Variants in HTR1E observed in about 807,000 individuals in gnomAD.
The protein encoded by HTR1E is 5-HT-1E.
Under a neutral mutation model 3.4 loss-of-function variants are expected in HTR1E, and 3 were observed. That is an observed-to-expected ratio of 0.89 (90% CI 0.41 to 2.31). The LOEUF is 2.31. Among genes scored for constraint, HTR1E ranks in the 30% most tolerant of loss-of-function variants. HTR1E has a pLI of 0.05. For missense variants in HTR1E, 392 were observed against 467.0 expected, an observed-to-expected ratio of 0.84 and a Z score of 1.48; for synonymous variants, 170 against 182.8, an observed-to-expected ratio of 0.93 and a Z score of 0.56.
At chr6:86,969,636 C>T (rs889131434) in intron 1 of HTR1E, among the ~76,000 whole-genome samples, 3 of 152,194 alleles carry the variant, frequency 2.0e-5, no homozygotes, top group Non-Finnish European at 4.4e-5. Context: ...TTTCTTCACT[C>T]CCAGCTTTTA....
intron 1 of HTR1E, among the ~76,000 whole-genome samples, chr6:86,947,134 A>C (rs145945078): frequency 6.6e-6 from 1 of 152,096 alleles, no homozygotes. Flanking sequence ...AAATGCACAG[A>C]GAAGGTTTCC....
At chr6:86,938,308 A>G (rs1468232145) in intron 1 of HTR1E, among the ~76,000 whole-genome samples, 1 of 152,204 alleles carries the variant, frequency 6.6e-6, no homozygotes, top group African/African-American at 2.4e-5. Flanking sequence ...TCAGAAAATA[A>G]TACTGTGCTC....
intron 1 of HTR1E, among the ~76,000 whole-genome samples, chr6:86,998,921 G>A (rs1045336125): frequency 1.3e-5 from 2 of 152,090 alleles, no homozygotes; most frequent in Non-Finnish European, 2.9e-5. Context: ...GATATGAAAG[G>A]AATATTGTTT....
chr6:87,016,479 G>T lies in HTR1E; in HGVS notation c.*47G>T. 6.6e-7 allele frequency: 1 copy of T among 1,510,650 alleles called. No individual in the cohort carries two copies. The highest frequency in any genetic ancestry group is 9.0e-7 in the Non-Finnish European group (1 of 1,117,318). The allele number at this position is 1,510,650 out of a possible 1,614,324, so 93.6% of individuals were successfully genotyped here. A position where few individuals can be genotyped will look rare whatever the true frequency, so the allele number is the denominator to read the frequency against. On this transcript the variant is annotated 3_prime_UTR_variant, in exon 2 of 2. Coordinates refer to ENST00000305344, the MANE Select transcript of HTR1E (RefSeq NM_000865.3). ...CGACTTTTTCCAGAGCCTCATGAGTGGATGGGGGTAAGGGGTGCAACTTAT... is the reference window on the plus strand; with the variant it reads ...CGACTTTTTCCAGAGCCTCATGAGTTGATGGGGGTAAGGGGTGCAACTTAT...
At chr6:87,007,631 A>T (rs2127832052) in intron 1 of HTR1E, among the ~76,000 whole-genome samples, 1 of 152,298 alleles carries the variant, frequency 6.6e-6, no homozygotes. Flanking sequence ...AAAATTTAAA[A>T]TTTTTAAAAA....
rs191837379 is a variant in HTR1E, at chr6:86,993,857, T to C, written c.-185-21293T>C. ...AGACGAAAAGGATTTTTGAAGCCCA[T>C]AGCAAAAACATCTCAGTGAAGAATT... On this transcript the variant is annotated intron_variant, in intron 1 of 1. Coordinates refer to ENST00000305344, the MANE Select transcript of HTR1E (RefSeq NM_000865.3). 1.4e-3 allele frequency among the ~76,000 whole-genome samples: 206 copies of C among 151,752 alleles called. 1 individual carries two copies. Among genetic ancestry groups the C allele is most frequent in the African/African-American group, 4.9e-3 (201 of 41,430 alleles).
intron 1 of HTR1E, among the ~76,000 whole-genome samples, chr6:86,938,457 A>G (rs1046940919): frequency 2.6e-5 from 4 of 152,194 alleles, no homozygotes; most frequent in African/African-American, 4.8e-5. Flanking sequence ...CTGCAAGGTG[A>G]GAGGCTGACC....
chr6:86,965,951 A>G (rs1452807582), intron 1 of HTR1E, among the ~76,000 whole-genome samples: 1 of 152,152 alleles, frequency 6.6e-6, no homozygotes, highest in Admixed American at 6.5e-5. Context: ...AATCACTACT[A>G]AAGAACTTAT....
At chr6:87,013,181 G>A (rs1049266244) in intron 1 of HTR1E, among the ~76,000 whole-genome samples, 1 of 152,140 alleles carries the variant, frequency 6.6e-6, no homozygotes, top group Non-Finnish European at 1.5e-5. Flanking sequence ...AGCCCCAGAA[G>A]AATAATATGC....
intron 1 of HTR1E, among the ~76,000 whole-genome samples, chr6:86,982,781 A>C (rs950049966): frequency 1.8e-4 from 28 of 152,252 alleles, no homozygotes; most frequent in African/African-American, 6.5e-4. Context: ...GGTAATTTGA[A>C]TGAAAGCCAG....
chr6:86,943,279 A>T (rs1279174881), intron 1 of HTR1E, among the ~76,000 whole-genome samples: 1 of 152,152 alleles, frequency 6.6e-6, no homozygotes. Context: ...TTTGCATCTC[A>T]TGGAATGCTC....
intron 1 of HTR1E, among the ~76,000 whole-genome samples, chr6:86,978,916 T>C (rs930062130): frequency 6.6e-6 from 1 of 152,202 alleles, no homozygotes; most frequent in Non-Finnish European, 1.5e-5. Flanking sequence ...GGTAACCTCA[T>C]TGATTTGAAG....
chr6:87,003,060 G>A (rs1389099922), intron 1 of HTR1E, among the ~76,000 whole-genome samples: 1 of 152,108 alleles, frequency 6.6e-6, no homozygotes, highest in Non-Finnish European at 1.5e-5. Flanking sequence ...CTCAAGGATA[G>A]ACCATATGTT....
intron 1 of HTR1E, among the ~76,000 whole-genome samples, chr6:86,977,858 C>G (rs918275756): frequency 6.6e-6 from 1 of 152,108 alleles, no homozygotes; most frequent in Non-Finnish European, 1.5e-5. Context: ...TTGTATCACT[C>G]CCTTTAAGAA....
At chr6:86,979,386 A>G (rs543476953) in intron 1 of HTR1E, among the ~76,000 whole-genome samples, 2 of 152,378 alleles carry the variant, frequency 1.3e-5, no homozygotes, top group South Asian at 4.1e-4. Flanking sequence ...TCCATGACTC[A>G]AAAACTATTT....
At chr6:86,962,131 T>A (rs1019399115) in intron 1 of HTR1E, among the ~76,000 whole-genome samples, 1 of 152,198 alleles carries the variant, frequency 6.6e-6, no homozygotes, top group African/African-American at 2.4e-5. Flanking sequence ...GCAAGTAAGA[T>A]TTTTGTTTGA....
At chr6:86,987,559 T>C (rs1295643397) in intron 1 of HTR1E, among the ~76,000 whole-genome samples, 4 of 152,196 alleles carry the variant, frequency 2.6e-5, no homozygotes, top group African/African-American at 7.2e-5. Context: ...ATGTGCCTAT[T>C]GAGCATTTGA....
chr6:87,000,311 T>C (rs1485034033), intron 1 of HTR1E: 1 of 152,184 alleles, frequency 6.6e-6, no homozygotes, highest in Non-Finnish European at 1.5e-5. Context: ...TCAATTCAGC[T>C]AGAAGATAAA....
chr6:86,970,613 C>T (rs747483768), intron 1 of HTR1E: 1 of 155,498 alleles, frequency 6.4e-6, no homozygotes, highest in South Asian at 1.8e-4. Context: ...AAAACTGAAG[C>T]ACTTTCACAA....
Sources: gnomAD v4.1 joint callset for allele counts (sites outside exome capture counted in the v4.1 genomes callset) on GRCh38, gnomAD v4.1.1 for gene constraint, MANE v1.5 for transcripts, NCBI Gene and HGNC (gene_info 2026-07-23, HGNC 2026-07-21) for gene names.